The following GLYR1 variants were observed in gnomAD, a reference collection of about 807,000 sequenced individuals.
The protein encoded by GLYR1 is cytokine-like nuclear factor N-PAC.
A neutral mutation model predicts 72.7 loss-of-function variants in GLYR1; 21 were observed. The ratio of observed to expected loss-of-function variants is 0.29; its 90% CI spans 0.20 to 0.42. GLYR1 has a LOEUF of 0.42. GLYR1 is among the 10% of genes least tolerant of loss of function. The pLI, the probability that GLYR1 is intolerant of heterozygous loss-of-function variation, is 1.00. For missense variants in GLYR1, 594 were observed against 712.1 expected (o/e 0.83, Z 1.89); for synonymous variants, 392 against 270.2 (o/e 1.45, Z -4.42).
intron 3 of GLYR1, among the ~76,000 whole-genome samples, chr16:4,838,925 C>A (rs1231708584): frequency 2.6e-5 from 4 of 151,992 alleles, no homozygotes; most frequent in Admixed American, 2.6e-4. Context: ...CCTGCTCTGT[C>A]ACCCAGGCTG....
In GLYR1 at chr16:4,822,928, C is replaced by G; in HGVS notation, c.628G>C (p.Val210Leu). Residue 210 changes from valine (V) to leucine (L), a missense_variant, in exon 7 of 16, where the codon GTT becomes CTT. Physicochemically the swap from Val to Leu is conservative, Grantham distance 32 (BLOSUM62 1). This residue lies in a region of GLYR1 where 252 missense variants were observed against 211.3 expected (regional missense o/e 1.19). Transcript: ENST00000321919. ...TGGAAATGAGGATCTGCATCTTTAA[C>G]AGGCTGAAACCAGAAAACAGTGAAA... ...FKWQPTASEP[V>L]KDADPHFHHF... is the part of the protein sequence containing the mutation. 1 of 1,614,050 alleles carries G rather than the reference C, an allele frequency of 6.2e-7. No individual in the cohort carries two copies. The highest frequency in any genetic ancestry group is 8.5e-7 in the Non-Finnish European group (1 of 1,179,846).
intron 10 of GLYR1, among the ~76,000 whole-genome samples, chr16:4,817,227 C>T (rs2083701024): frequency 1.3e-5 from 2 of 151,712 alleles, no homozygotes; most frequent in Non-Finnish European, 1.5e-5. Context: ...TCATGCCATT[C>T]TCCTGCCTCA....
rs758139750 is a variant in GLYR1, at chr16:4,805,234, G to T, written c.*2C>A. The T allele has an allele frequency of 3.1e-6, 5 of 1,613,858 alleles. No homozygotes were observed. In the South Asian group the frequency reaches 4.4e-5, roughly 14 times the overall value. ...GAGGGGTGAGGGCGGGGTGTCGACA[G>T]CTTAGTGTATGTAGGCTCGGTACAC... is the stretch of plus-strand genomic sequence containing the variant. On this transcript the variant is annotated 3_prime_UTR_variant, in exon 16 of 16. Transcript: ENST00000321919.
intron 6 of GLYR1, 132 bp downstream of exon 6, chr16:4,823,689 G>A (rs572601270): frequency 2.7e-6 from 2 of 743,360 alleles, no homozygotes; most frequent in African/African-American, 3.6e-5. Context: ...TTATTTCATA[G>A]ACTTCTGTAC....
rs201319871 is a variant in GLYR1, at chr16:4,823,904, G to A, written c.541C>T (p.Leu181Phe). 10 of 1,613,630 alleles carry A rather than the reference G, an allele frequency of 6.2e-6. No individual in the cohort carries two copies. In the African/African-American group the frequency reaches 9.3e-5, roughly 15 times the overall value. Residue 181 changes from leucine to phenylalanine, a missense_variant, in exon 6 of 16, where the codon CTC becomes TTC. Leu to Phe is a conservative substitution (Grantham distance 22). Transcript: ENST00000321919. ...ACGGTACTAGACTCCGGGATGGTGA[G>A]ATCCTATAGAGGGAGGGGCAGGGCA... The part of the protein sequence containing the change: ...RGRPPKDEKD[L>F]TIPESSTVKG...
intron 5 of GLYR1, among the ~76,000 whole-genome samples, chr16:4,825,434 T>G (rs2084317834): frequency 6.6e-6 from 1 of 152,230 alleles, no homozygotes; most frequent in African/African-American, 2.4e-5. Flanking sequence ...TCTCCTTGGC[T>G]CAGGCTCGCT....
chr16:4,842,548 A>C (rs1295209542), intron 3 of GLYR1, among the ~76,000 whole-genome samples: 1 of 151,750 alleles, frequency 6.6e-6, no homozygotes, highest in Non-Finnish European at 1.5e-5. Flanking sequence ...TTAAGTAGAG[A>C]CAAGGTCTTG....
intron 10 of GLYR1, among the ~76,000 whole-genome samples, chr16:4,815,292 G>A (rs1446587456): frequency 4.0e-5 from 6 of 151,736 alleles, no homozygotes; most frequent in Admixed American, 3.9e-4. Context: ...TGTAGAGACA[G>A]GGTTTCACCA....
chr16:4,826,035 T>A (rs1395569132), intron 5 of GLYR1, among the ~76,000 whole-genome samples: 1 of 152,106 alleles, frequency 6.6e-6, no homozygotes, highest in Admixed American at 6.6e-5. Context: ...AGTCAGTCAC[T>A]GGTGTGGTAG....
intron 5 of GLYR1, among the ~76,000 whole-genome samples, chr16:4,826,439 T>C (rs868825778): frequency 2.0e-5 from 3 of 152,150 alleles, no homozygotes; most frequent in Admixed American, 6.5e-5. Context: ...GTCTGTCATA[T>C]TAGAAGCACA....
In GLYR1 at chr16:4,805,315, A is replaced by G. The variant is rs772280296; in HGVS notation, c.1588-5T>C. On this transcript the variant is annotated splice_polypyrimidine_tract_variant and splice_region_variant and intron_variant, in intron 15 of 15. Transcript: ENST00000321919. ...CGCCTTGGCTCTTTTGTACACCTGGAAAAAAAAGAGATGGCTCAGTCTCTG... is the reference window on the plus strand; with the variant it reads ...CGCCTTGGCTCTTTTGTACACCTGGGAAAAAAAGAGATGGCTCAGTCTCTG... 3.3e-5 allele frequency: 53 copies of G among 1,605,274 alleles called. No homozygotes were observed. The highest frequency in any genetic ancestry group is 3.3e-4 in the Middle Eastern group (2 of 6,036).
intron 5 of GLYR1, 70 bp downstream of exon 5, chr16:4,831,909 T>G: frequency 6.5e-7 from 1 of 1,546,820 alleles, no homozygotes; most frequent in Non-Finnish European, 8.7e-7. Flanking sequence ...ATAAGCATAC[T>G]GTAGAGCTTA....
chr16:4,813,661 T>G (rs2083453866), intron 12 of GLYR1, 76 bp downstream of exon 12: 1 of 1,264,580 alleles, frequency 7.9e-7, no homozygotes, highest in Non-Finnish European at 1.1e-6. Context: ...GTAACTTAAC[T>G]GCCCACTCTT....
At chr16:4,828,981 C>G (rs548746816) in intron 5 of GLYR1, among the ~76,000 whole-genome samples, 2 of 152,218 alleles carry the variant, frequency 1.3e-5, no homozygotes, top group East Asian at 3.9e-4. Context: ...TCTGACAGCC[C>G]AGATTCCTTT....
At position 4,804,633 on chromosome 16, in the gene GLYR1, C is replaced by T. The variant is rs983347086; in HGVS notation, c.*603G>A. On this transcript the variant is annotated 3_prime_UTR_variant, in exon 16 of 16. Transcript: ENST00000321919. The stretch of plus-strand genomic sequence containing the variant: ...GCGTCTATGGAGCGCTGGGTGCACA[C>T]TGGACGCTTAGACGTGAACATCTTT... The T allele has an allele frequency of 6.4e-6, 1 of 155,666 alleles. No individual in the cohort carries two copies. Among genetic ancestry groups the T allele is most frequent in the Non-Finnish European group, 1.4e-5 (1 of 69,968 alleles). 9.6% of individuals were successfully genotyped at this position (155,666 alleles called of 1,614,324 possible).
intron 5 of GLYR1, among the ~76,000 whole-genome samples, chr16:4,828,585 C>T (rs60256917): frequency 2.0e-5 from 3 of 152,022 alleles, no homozygotes; most frequent in East Asian, 1.9e-4. Context: ...GCTCGTGAGA[C>T]GAGTTCCTGT....
intron 3 of GLYR1, among the ~76,000 whole-genome samples, chr16:4,833,427 A>C (rs2084922445): frequency 6.6e-6 from 1 of 152,180 alleles, no homozygotes; most frequent in Admixed American, 6.5e-5. Flanking sequence ...TGATCCACAG[A>C]GAGTCAGGGA....
chr16:4,827,749 A>T (rs1355754583), intron 5 of GLYR1, among the ~76,000 whole-genome samples: 7 of 151,966 alleles, frequency 4.6e-5, no homozygotes, highest in African/African-American at 1.7e-4. Flanking sequence ...AAACACAAAA[A>T]ATTAGCCGGG....
At position 4,823,921 on chromosome 16, in the gene GLYR1, G is replaced by C. The variant is rs761215765; in HGVS notation, c.538-14C>G. ...GATGGTGAGATCCTATAGAGGGAGG[G>C]GCAGGGCATTTTAAAATCACATTCA... On this transcript the variant is annotated splice_polypyrimidine_tract_variant and intron_variant, in intron 5 of 15. Coordinates refer to ENST00000321919, the MANE Select transcript of GLYR1 (RefSeq NM_032569.4). 1.2e-6 allele frequency: 2 copies of C among 1,605,210 alleles called. No individual in the cohort carries two copies. The highest frequency in any genetic ancestry group is 1.7e-6 in the Non-Finnish European group (2 of 1,172,202).
Sources: gnomAD v4.1 joint callset for allele counts (sites outside exome capture counted in the v4.1 genomes callset) on GRCh38, gnomAD v4.1.1 for gene constraint, gnomAD v4.1.1 regional missense constraint, MANE v1.5 for transcripts, NCBI Gene and HGNC (gene_info 2026-07-23, HGNC 2026-07-21) for gene names.